The following MCF2L2 variants were observed in gnomAD, a reference collection of about 807,000 sequenced individuals.
MCF2L2 encodes the protein MCF.2 cell line derived transforming sequence-like 2.
Under a neutral mutation model 150.2 loss-of-function variants are expected in MCF2L2, and 102 were observed. The observed-to-expected ratio is 0.68, with a 90% CI of 0.58 to 0.80. MCF2L2 has a LOEUF of 0.80. MCF2L2 is among the 30% of genes least tolerant of loss of function. The pLI is 0.00. For missense variants in MCF2L2, 1,256 were observed against 1,372.8 expected (o/e 0.91, Z 1.34); for synonymous variants, 465 against 491.3 (o/e 0.95, Z 0.71).
intron 3 of MCF2L2, among the ~76,000 whole-genome samples, chr3:183,363,208 C>T (rs1351891187): frequency 2.6e-5 from 4 of 152,226 alleles, no homozygotes; most frequent in East Asian, 3.8e-4. Flanking sequence ...CAACACGGCA[C>T]AGCCACTTTA....
chr3:183,380,295 G>A (rs1231815814), intron 2 of MCF2L2, among the ~76,000 whole-genome samples: 2 of 152,260 alleles, frequency 1.3e-5, no homozygotes, highest in East Asian at 3.9e-4. Context: ...ATTCATGGGA[G>A]CACTGTGACT....
At position 183,229,015 on chromosome 3, in the gene MCF2L2, G is replaced by A. The variant is rs981838899; in HGVS notation, c.2046-649C>T. ...ATTTCAGTTTTGCGTCTGACCAACG[G>A]ACGAGGAATGGGGTTAGGAAGCAAC... is the stretch of plus-strand genomic sequence containing the variant. On this transcript the variant is annotated intron_variant, in intron 17 of 29. Coordinates refer to ENST00000328913, the MANE Select transcript of MCF2L2 (RefSeq NM_015078.4). Among the ~76,000 whole-genome samples, 6 of 152,268 alleles carry A rather than the reference G, an allele frequency of 3.9e-5. No homozygotes were observed. The South Asian group carries it at 6.2e-4, about 16-fold the overall frequency.
intron 15 of MCF2L2, chr3:183,272,015 G>T: frequency 2.3e-6 from 1 of 440,530 alleles, no homozygotes; most frequent in Non-Finnish European, 3.1e-6. Context: ...AAACATCAAA[G>T]TTATAATATC....
At position 183,311,055 on chromosome 3, in the gene MCF2L2, T is replaced by C. The variant is rs41488945; in HGVS notation, c.879-26A>G. 8.3e-6 allele frequency: 12 copies of C among 1,448,860 alleles called. No individual in the cohort carries two copies. In the East Asian group the frequency reaches 2.7e-4, roughly 33 times the overall value. The allele number at this position is 1,448,860 out of a possible 1,614,324, so 89.8% of individuals were successfully genotyped here. ...CTTTCAAGAAAGAATGAGAAAGTGA[T>C]GTTAGGTTAGCATTCATTTCCACAG... On this transcript the variant is annotated intron_variant, in intron 8 of 29. Transcript: ENST00000328913.
intron 1 of MCF2L2, among the ~76,000 whole-genome samples, chr3:183,410,161 A>ATTTAATTTCTATT (rs1715250629): frequency 2.6e-5 from 4 of 152,106 alleles, no homozygotes; most frequent in Non-Finnish European, 5.9e-5. Context: ...TCCCCTCTCC[A>ATTTAATTTCTATT]TCTATCTAAA....
In MCF2L2 at chr3:183,402,451, C is replaced by CAAAAAAAAAAAAAA. The variant is rs779201489; in HGVS notation, c.77-12686_77-12673dup. On this transcript the variant is annotated intron_variant, in intron 1 of 29. Transcript: ENST00000328913. Reference sequence around the variant, plus strand: ...CCTGGGCTACAGAGCGAGACTCCATCAAAAAAAAAAAAAAAAAAAAAAGAA... The same window carrying CAAAAAAAAAAAAAA: ...CCTGGGCTACAGAGCGAGACTCCATCAAAAAAAAAAAAAAAAAAAAAAAAAAAAAAAAAAAAGAA... Among the ~76,000 whole-genome samples, 147 of 54,734 alleles carry CAAAAAAAAAAAAAA rather than the reference C, an allele frequency of 2.7e-3. 4 individuals are homozygous for CAAAAAAAAAAAAAA. The highest frequency in any genetic ancestry group is 5.1e-3 in the Non-Finnish European group (118 of 23,340). The allele number at this position is 54,734 out of a possible 152,430, so 35.9% of individuals were successfully genotyped here.
intron 5 of MCF2L2, among the ~76,000 whole-genome samples, chr3:183,330,245 G>GAAAAAAAAA (rs200391954): frequency 5.2e-5 from 3 of 57,338 alleles, no homozygotes; most frequent in Non-Finnish European, 1.0e-4. Flanking sequence ...ACCCTGTCTT[G>GAAAAAAAAA]AAAAAAAAAA....
chr3:183,301,887 A>G (rs1256180636), intron 10 of MCF2L2, among the ~76,000 whole-genome samples: 2 of 152,084 alleles, frequency 1.3e-5, no homozygotes, highest in Non-Finnish European at 2.9e-5. Context: ...GCATCTAGGA[A>G]CTTAGATTTT....
At chr3:183,228,873 C>T (rs2108669579) in intron 17 of MCF2L2, among the ~76,000 whole-genome samples, 1 of 152,282 alleles carries the variant, frequency 6.6e-6, no homozygotes, top group East Asian at 1.9e-4. Flanking sequence ...AAGCTAAGTG[C>T]TCCGCAAATA....
chr3:183,343,529 C>G (rs373091189), intron 3 of MCF2L2, among the ~76,000 whole-genome samples: 3 of 152,156 alleles, frequency 2.0e-5, no homozygotes, highest in African/African-American at 7.2e-5. Context: ...CACCACCACA[C>G]CCGGCTAATT....
intron 21 of MCF2L2, 146 bp from the exon 22 acceptor site, chr3:183,216,240 C>T (rs893181419): frequency 3.9e-5 from 34 of 877,502 alleles, no homozygotes; most frequent in Non-Finnish European, 5.2e-5. Flanking sequence ...GCTCCCAAAG[C>T]ATGGTGGCTA....
intron 1 of MCF2L2, among the ~76,000 whole-genome samples, chr3:183,409,367 AC>A (rs1451040932): frequency 6.6e-6 from 1 of 152,174 alleles, no homozygotes; most frequent in Non-Finnish European, 1.5e-5. Flanking sequence ...GCCAGACCTG[AC>A]TTTTGATTCT....
chr3:183,357,355 A>C (rs548273338), intron 3 of MCF2L2, among the ~76,000 whole-genome samples: 1 of 152,328 alleles, frequency 6.6e-6, no homozygotes, highest in South Asian at 2.1e-4. Context: ...GCAGCGATCT[A>C]AGGAGTGCTA....
In MCF2L2 at chr3:183,270,241, G is replaced by A; in HGVS notation, c.1862+6631C>T. 2.5e-6 allele frequency: 4 copies of A among 1,614,126 alleles called. No individual in the cohort carries two copies. Among genetic ancestry groups the A allele is most frequent in the Admixed American group, 1.7e-5 (1 of 60,026 alleles). Reference sequence around the variant, plus strand: ...GAAGAACTACAAAGAAAACTGGCTTGGGAAGATCAAAGGTACAATGATATA... The same window carrying A: ...GAAGAACTACAAAGAAAACTGGCTTAGGAAGATCAAAGGTACAATGATATA... On this transcript the variant is annotated intron_variant, in intron 15 of 29. Coordinates refer to ENST00000328913, the MANE Select transcript of MCF2L2 (RefSeq NM_015078.4). This position sits in a 1 kb window ranked among gnomAD's most constrained non-coding sequence, Gnocchi z 4.5.
At chr3:183,259,258 C>T (rs1349072173) in intron 15 of MCF2L2, among the ~76,000 whole-genome samples, 1 of 152,124 alleles carries the variant, frequency 6.6e-6, no homozygotes, top group Non-Finnish European at 1.5e-5. Flanking sequence ...CGTTGTTCTT[C>T]TAGTGACTCA....
chr3:183,307,038 C>A (rs1170657497), intron 10 of MCF2L2, among the ~76,000 whole-genome samples: 1 of 152,200 alleles, frequency 6.6e-6, no homozygotes, highest in Non-Finnish European at 1.5e-5. Flanking sequence ...GACTGCTAAA[C>A]CCTCAAACGA....
chr3:183,419,030 G>A (rs1196611784), intron 1 of MCF2L2, among the ~76,000 whole-genome samples: 1 of 152,214 alleles, frequency 6.6e-6, no homozygotes, highest in Non-Finnish European at 1.5e-5. Flanking sequence ...TGGATATCCA[G>A]GCATTTCCAT....
chr3:183,404,550 T>C (rs1334323542), intron 1 of MCF2L2, among the ~76,000 whole-genome samples: 5 of 152,176 alleles, frequency 3.3e-5, no homozygotes, highest in African/African-American at 2.4e-5. Context: ...TCCAATAATA[T>C]TTTCTAGAAT....
chr3:183,357,009 T>C (rs1287344802), intron 3 of MCF2L2, among the ~76,000 whole-genome samples: 1 of 152,050 alleles, frequency 6.6e-6, no homozygotes, highest in African/African-American at 2.4e-5. Context: ...TTTTGAAAAA[T>C]GCACATGGCT....
Sources: allele counts gnomAD v4.1 joint callset (sites outside exome capture counted in the v4.1 genomes callset), GRCh38; gene constraint gnomAD v4.1.1; non-coding constraint Gnocchi (gnomAD v3.1); transcripts MANE v1.5; gene names NCBI Gene and HGNC (gene_info 2026-07-23, HGNC 2026-07-21).